The following CNTLN variants were observed in gnomAD, a reference collection of about 807,000 sequenced individuals.
CNTLN encodes the protein centlein, centrosomal protein.
CNTLN carries 212 observed loss-of-function variants against 180.0 expected under a neutral mutation model. That is an observed-to-expected ratio of 1.18 (90% CI 1.05 to 1.32). The LOEUF (loss-of-function observed/expected upper bound fraction) is 1.32, where lower values mean the gene tolerates loss of function less well. Ranked by LOEUF, CNTLN falls within the 40% of genes most tolerant of loss-of-function variation. The pLI, the probability that CNTLN is intolerant of heterozygous loss-of-function variation, is 0.00. For synonymous variants in CNTLN, 722 were observed against 563.1 expected (o/e 1.28, Z -3.99); for missense variants, 2,095 against 1,610.9 (o/e 1.30, Z -5.14).
chr9:17,295,997 A>AGAGAGT (rs1342910465), intron 6 of CNTLN, among the ~76,000 whole-genome samples: 7 of 91,342 alleles, frequency 7.7e-5, no homozygotes, highest in African/African-American at 2.4e-4. Flanking sequence ...AGAGAGAGAG[A>AGAGAGT]GTGTGTGTGT....
At chr9:17,385,003 G>A (rs770006761) in intron 13 of CNTLN, among the ~76,000 whole-genome samples, 2 of 152,158 alleles carry the variant, frequency 1.3e-5, no homozygotes, top group African/African-American at 2.4e-5. Context: ...CTGTATTTCT[G>A]ACCAACTGAG....
At chr9:17,328,949 T>A (rs1169404300) in intron 8 of CNTLN, among the ~76,000 whole-genome samples, 1 of 151,928 alleles carries the variant, frequency 6.6e-6, no homozygotes, top group Non-Finnish European at 1.5e-5. Flanking sequence ...AGTGACAGTA[T>A]CCACTGTTGG....
chr9:17,521,659 A>C, the CNTLN span, among the ~76,000 whole-genome samples: 1 of 152,162 alleles, frequency 6.6e-6, no homozygotes, highest in Non-Finnish European at 1.5e-5. Context: ...CTCTACTATC[A>C]CCAGGTGGCA....
At chr9:17,250,764 A>G (rs968094906) in intron 5 of CNTLN, among the ~76,000 whole-genome samples, 1 of 152,058 alleles carries the variant, frequency 6.6e-6, no homozygotes, top group East Asian at 1.9e-4. Flanking sequence ...TTTTGAAATC[A>G]TATAGGAAAT....
intron 1 of CNTLN, among the ~76,000 whole-genome samples, chr9:17,136,122 G>A (rs551666380): frequency 4.6e-5 from 7 of 152,270 alleles, no homozygotes; most frequent in Non-Finnish European, 1.0e-4. Context: ...GGATGGACTT[G>A]ACTATACTCA....
intron 10 of CNTLN, among the ~76,000 whole-genome samples, chr9:17,336,528 T>C (rs1821049011): frequency 6.6e-6 from 1 of 152,208 alleles, no homozygotes; most frequent in African/African-American, 2.4e-5. Flanking sequence ...GAAACTGCAT[T>C]TTAAAAGATT....
intron 2 of CNTLN, among the ~76,000 whole-genome samples, chr9:17,188,532 T>C (rs1299821642): frequency 6.6e-6 from 1 of 152,190 alleles, no homozygotes; most frequent in Non-Finnish European, 1.5e-5. Context: ...GCAATATTGT[T>C]TGGGAAAGAC....
At chr9:17,458,207 G>T (rs183844568) in intron 19 of CNTLN, among the ~76,000 whole-genome samples, 1 of 148,280 alleles carries the variant, frequency 6.7e-6, no homozygotes, top group East Asian at 2.0e-4. Flanking sequence ...TAGAGAAAAA[G>T]CAATGAGAGG....
the CNTLN span, among the ~76,000 whole-genome samples, chr9:17,519,570 T>C: frequency 8.5e-5 from 13 of 152,320 alleles, no homozygotes; most frequent in African/African-American, 3.1e-4. Flanking sequence ...TGTAAATACA[T>C]GGGATGCAGG....
chr9:17,341,548 G>C (rs1821481073), intron 11 of CNTLN, among the ~76,000 whole-genome samples: 1 of 152,028 alleles, frequency 6.6e-6, no homozygotes, highest in African/African-American at 2.4e-5. Context: ...ATCAACAGAG[G>C]GCAAAGGACT....
At chr9:17,324,180 A>G (rs1334964794) in intron 8 of CNTLN, among the ~76,000 whole-genome samples, 1 of 152,190 alleles carries the variant, frequency 6.6e-6, no homozygotes, top group Non-Finnish European at 1.5e-5. Flanking sequence ...AACTTAGAGT[A>G]TGTATTATAG....
chr9:17,283,774 T>C (rs1828808035), intron 6 of CNTLN, among the ~76,000 whole-genome samples: 1 of 152,182 alleles, frequency 6.6e-6, no homozygotes, highest in Non-Finnish European at 1.5e-5. Flanking sequence ...GTTCCATCAA[T>C]ACCTAGTTTA....
intron 5 of CNTLN, among the ~76,000 whole-genome samples, chr9:17,251,121 A>T (rs1032997349): frequency 5.3e-5 from 8 of 151,984 alleles, no homozygotes; most frequent in Non-Finnish European, 1.2e-4. Context: ...TTTTACTCTC[A>T]TTAAGGATGC....
rs1825113181 is a variant in CNTLN at position 17,235,899 on chromosome 9, C to T, written c.669+107C>T. 12 of 1,178,188 alleles carry T rather than the reference C, an allele frequency of 1.0e-5. No homozygotes were observed. The South Asian group carries it at 1.3e-4, about 12-fold the overall frequency. 73.0% of individuals were successfully genotyped at this position (1,178,188 alleles called of 1,614,324 possible). On this transcript the variant is annotated intron_variant, in intron 4 of 25. Coordinates refer to ENST00000380647, the MANE Select transcript of CNTLN (RefSeq NM_017738.4). ...AGTGACAGATTTGGAGGAAAAATTG[C>T]CTTAGGCCCTCCTGTACCATACAGT... is the stretch of plus-strand genomic sequence containing the variant.
chr9:17,353,337 G>A (rs74818908), intron 12 of CNTLN, among the ~76,000 whole-genome samples: 13 of 141,664 alleles, frequency 9.2e-5, no homozygotes, highest in African/African-American at 2.1e-4. Context: ...ATTGTTTGCC[G>A]TCTATGAGGG....
intron 6 of CNTLN, among the ~76,000 whole-genome samples, chr9:17,295,694 G>A (rs185245976): frequency 1.0e-3 from 158 of 152,226 alleles, no homozygotes; most frequent in African/African-American, 3.7e-3. Context: ...CAAATTCAGT[G>A]CTTTCCGCTG....
chr9:17,341,334 T>C (rs1160358501), intron 11 of CNTLN, among the ~76,000 whole-genome samples: 1 of 152,206 alleles, frequency 6.6e-6, no homozygotes, highest in African/African-American at 2.4e-5. Flanking sequence ...TATTTAAATT[T>C]TAGTGGAAAG....
intron 13 of CNTLN, among the ~76,000 whole-genome samples, chr9:17,373,472 AG>A (rs1824497036): frequency 6.6e-6 from 1 of 152,146 alleles, no homozygotes; most frequent in South Asian, 2.1e-4. Flanking sequence ...AAGAAATTGA[AG>A]GAGACACACA....
At chr9:17,270,376 AT>A (rs1397916938) in intron 5 of CNTLN, among the ~76,000 whole-genome samples, 2 of 151,968 alleles carry the variant, frequency 1.3e-5, no homozygotes, top group African/African-American at 4.8e-5. Flanking sequence ...GCATCTTCAT[AT>A]TTTTTTCCTT....
Sources: allele counts gnomAD v4.1 joint callset (sites outside exome capture counted in the v4.1 genomes callset), GRCh38; gene constraint gnomAD v4.1.1; transcripts MANE v1.5; gene names NCBI Gene and HGNC (gene_info 2026-07-23, HGNC 2026-07-21).